UPP2: variants seen among roughly 807,000 people sequenced by gnomAD.
The protein encoded by UPP2 is UPase 2.
In UPP2, 23 loss-of-function variants were observed where a neutral mutation model predicts 26.7. The ratio of observed to expected loss-of-function variants is 0.86; its 90% CI spans 0.62 to 1.22. The LOEUF (loss-of-function observed/expected upper bound fraction) is 1.22. Ranked by LOEUF, UPP2 falls within the 50% of genes most tolerant of loss-of-function variation. The pLI is 0.00. For missense variants in UPP2, 387 were observed against 396.7 expected, an observed-to-expected ratio of 0.98 and a Z score of 0.21; for synonymous variants, 127 against 141.3, an observed-to-expected ratio of 0.90 and a Z score of 0.72.
At chr2:157,997,933 T>C (rs958334537) in intron 2 of UPP2, among the ~76,000 whole-genome samples, 2 of 152,240 alleles carry the variant, frequency 1.3e-5, no homozygotes, top group East Asian at 3.8e-4. Context: ...AAAAATTAAC[T>C]TGCATGCCCC....
At chr2:158,134,615 G>A (rs1683892898) in intron 6 of UPP2, 133 bp from the exon 7 acceptor site, 1 of 1,067,064 alleles carries the variant, frequency 9.4e-7, no homozygotes, top group Non-Finnish European at 1.3e-6. Flanking sequence ...TCAGTAGGTT[G>A]CATCTACATT....
rs993630015 is a variant in UPP2, at chr2:158,064,439, GTT to G, written c.148-37591_148-37590del. The stretch of plus-strand genomic sequence containing the variant: ...CATATCCTTCACCCACTTTTTGATG[GTT>G]TTTTTTTTTCTTGTAAATTTAAGTT... On this transcript the variant is annotated intron_variant, in intron 3 of 9. Transcript: ENST00000605860. 5.6e-3 allele frequency among the ~76,000 whole-genome samples: 837 copies of G among 149,962 alleles called. 10 individuals carry two copies. The highest frequency in any genetic ancestry group is 0.02 in the African/African-American group (801 of 41,062).
At chr2:158,058,811 C>G (rs917750933) in intron 3 of UPP2, among the ~76,000 whole-genome samples, 19 of 151,962 alleles carry the variant, frequency 1.3e-4, no homozygotes, top group Non-Finnish European at 2.6e-4. Flanking sequence ...TATTAGACAC[C>G]AAGATCTGGG....
intron 3 of UPP2, among the ~76,000 whole-genome samples, chr2:158,024,183 AT>A (rs1268035406): frequency 6.6e-6 from 1 of 152,132 alleles, no homozygotes; most frequent in Non-Finnish European, 1.5e-5. Flanking sequence ...CCTGGAGCAT[AT>A]TTTTTAAAAT....
At position 158,072,167 on chromosome 2, in the gene UPP2, C is replaced by T. The variant is rs146663942; in HGVS notation, c.148-29873C>T. On this transcript the variant is annotated intron_variant, in intron 3 of 9. Coordinates refer to the UPP2 transcript ENST00000605860. ...CTGACTGAAGAGCCATTCGGCTTTACGTGAATATTGGTGGTGGCATGGCAG... is the reference window on the plus strand; with the variant it reads ...CTGACTGAAGAGCCATTCGGCTTTATGTGAATATTGGTGGTGGCATGGCAG... Among the ~76,000 whole-genome samples, 950 of 152,096 alleles carry T rather than the reference C, an allele frequency of 6.2e-3. 6 individuals are homozygous for T. Among genetic ancestry groups the T allele is most frequent in the Middle Eastern group, 0.031 (9 of 294 alleles).
At chr2:158,012,263 C>CTTTTT (rs34807293) in intron 2 of UPP2, among the ~76,000 whole-genome samples, 85 of 81,604 alleles carry the variant, frequency 1.0e-3, no homozygotes, top group South Asian at 1.7e-3. Flanking sequence ...TTGTTTCTAC[C>CTTTTT]TTTTTTTTTT....
At chr2:158,087,917 A>T (rs1194940330) in intron 3 of UPP2, among the ~76,000 whole-genome samples, 7 of 152,120 alleles carry the variant, frequency 4.6e-5, no homozygotes, top group Non-Finnish European at 1.0e-4. Flanking sequence ...AGCTCTTAAG[A>T]TTCTTTCCTT....
At chr2:158,051,779 TCAACAA>T (rs57339979) in intron 3 of UPP2, among the ~76,000 whole-genome samples, 3 of 150,310 alleles carry the variant, frequency 2.0e-5, no homozygotes, top group Non-Finnish European at 4.4e-5. Context: ...AGACTCCACC[TCAACAA>T]CAACAACAAC....
intron 1 of UPP2, among the ~76,000 whole-genome samples, chr2:158,103,235 C>T (rs1683112450): frequency 6.6e-6 from 1 of 152,142 alleles, no homozygotes; most frequent in Admixed American, 6.5e-5. Flanking sequence ...CTTCTATAGA[C>T]AGTCCCCCAA....
chr2:158,066,311 C>G (rs181150901), intron 3 of UPP2, among the ~76,000 whole-genome samples: 81 of 152,306 alleles, frequency 5.3e-4, no homozygotes, highest in Middle Eastern at 6.8e-3. Context: ...ATGTGCCTGT[C>G]GTTTGTACCA....
chr2:158,123,180 T>TG (rs1558939885), intron 5 of UPP2, among the ~76,000 whole-genome samples: 4 of 151,808 alleles, frequency 2.6e-5, no homozygotes, highest in African/African-American at 9.7e-5. Flanking sequence ...TGAAATTCAG[T>TG]GATGAATGAA....
intron 6 of UPP2, among the ~76,000 whole-genome samples, chr2:158,128,632 A>T (rs534480234): frequency 1.3e-5 from 2 of 152,172 alleles, no homozygotes; most frequent in East Asian, 1.9e-4. Context: ...GGTGAGCTGG[A>T]CTTTGAACCC....
At chr2:158,074,816 G>T (rs901572662) in intron 3 of UPP2, among the ~76,000 whole-genome samples, 13 of 150,128 alleles carry the variant, frequency 8.7e-5, no homozygotes, top group African/African-American at 3.2e-4. Flanking sequence ...GAAAAGACAG[G>T]GTGACTGAGA....
At chr2:158,104,171 T>C (rs1449851562) in intron 1 of UPP2, among the ~76,000 whole-genome samples, 1 of 152,194 alleles carries the variant, frequency 6.6e-6, no homozygotes, top group Non-Finnish European at 1.5e-5. Context: ...GAAACTTAAC[T>C]ATATTGCAAT....
chr2:158,133,865 A>T (rs886250014), intron 6 of UPP2: 2 of 152,224 alleles, frequency 1.3e-5, no homozygotes, highest in Non-Finnish European at 2.9e-5. Context: ...GCAGATTCAG[A>T]TGGAGATTAT....
intron 6 of UPP2, among the ~76,000 whole-genome samples, chr2:158,130,769 G>A (rs1683801755): frequency 6.6e-6 from 1 of 152,160 alleles, no homozygotes; most frequent in South Asian, 2.1e-4. Context: ...AAATATTAAT[G>A]TAAAAATAAT....
At chr2:158,071,857 G>T (rs1028153361) in intron 3 of UPP2, among the ~76,000 whole-genome samples, 1 of 152,162 alleles carries the variant, frequency 6.6e-6, no homozygotes, top group African/African-American at 2.4e-5. Flanking sequence ...TTGGGTGAGA[G>T]TGTGAGATAT....
chr2:158,022,457 CAAAAAAA>C (rs11385969), intron 3 of UPP2, among the ~76,000 whole-genome samples: 1 of 87,900 alleles, frequency 1.1e-5, no homozygotes, highest in African/African-American at 3.6e-5. Context: ...AGACTTGTCT[CAAAAAAA>C]AAAAAAAAAA....
At chr2:158,011,682 G>C (rs1235370419) in intron 2 of UPP2, among the ~76,000 whole-genome samples, 1 of 152,086 alleles carries the variant, frequency 6.6e-6, no homozygotes, top group African/African-American at 2.4e-5. Context: ...GAGGGAGGGA[G>C]GGAAGGAGCC....
Sources: allele counts gnomAD v4.1 joint callset (sites outside exome capture counted in the v4.1 genomes callset), GRCh38; gene constraint gnomAD v4.1.1; transcripts MANE v1.5; gene names NCBI Gene and HGNC (gene_info 2026-07-23, HGNC 2026-07-21).